Variants in LOC122539214 observed in about 807,000 individuals in gnomAD.
At chr19:52,668,135 C>T in the LOC122539214 span, among the ~76,000 whole-genome samples, 1 of 152,172 alleles carries the variant, frequency 6.6e-6, no homozygotes, top group African/African-American at 2.4e-5. Flanking sequence ...CAGGCGCCAG[C>T]TTCGGAGTTT....
the LOC122539214 span, among the ~76,000 whole-genome samples, chr19:52,683,027 C>A: frequency 3.3e-5 from 5 of 152,148 alleles, no homozygotes; most frequent in Non-Finnish European, 2.9e-5. Context: ...TGTGCCACCA[C>A]ACCCAGCTAA....
At chr19:52,663,198 A>G in the LOC122539214 span, among the ~76,000 whole-genome samples, 919 of 152,228 alleles carry the variant, frequency 6.0e-3, 4 homozygotes, top group African/African-American at 0.021. Flanking sequence ...ACCATCTGTT[A>G]TATACCTGAG....
At chr19:52,666,219 G>A in the LOC122539214 span, among the ~76,000 whole-genome samples, 13 of 151,168 alleles carry the variant, frequency 8.6e-5, no homozygotes, top group Admixed American at 6.6e-5. Flanking sequence ...GAAAGAGACA[G>A]AGAGACAAAA....
At chr19:52,654,650 G>A in the LOC122539214 span, among the ~76,000 whole-genome samples, 1 of 152,160 alleles carries the variant, frequency 6.6e-6, no homozygotes, top group African/African-American at 2.4e-5. Context: ...CTAGGAGGCA[G>A]AGATTGCAGT....
At chr19:52,654,381 C>G in the LOC122539214 span, 1 of 1,168,274 alleles carries the variant, frequency 8.6e-7, no homozygotes, top group Admixed American at 2.4e-5. Context: ...ATGAGAACTC[C>G]GTCATGGATT....
At chr19:52,657,035 G>A in the LOC122539214 span, among the ~76,000 whole-genome samples, 2 of 152,138 alleles carry the variant, frequency 1.3e-5, no homozygotes, top group African/African-American at 4.8e-5. Context: ...AGGATTGCTT[G>A]AGCCTGGAGA....
chr19:52,666,163 CAAA>C, the LOC122539214 span, among the ~76,000 whole-genome samples: 2 of 102,340 alleles, frequency 2.0e-5, no homozygotes, highest in Admixed American at 1.1e-4. Flanking sequence ...GACTCCATCT[CAAA>C]AAAAAAAAAA....
chr19:52,687,533 TTA>T, the LOC122539214 span, among the ~76,000 whole-genome samples: 64 of 36,888 alleles, frequency 1.7e-3, 25 homozygotes, highest in Non-Finnish European at 2.1e-3. Flanking sequence ...TATATATAAA[TTA>T]TATATATAAA....
chr19:52,686,309 G>A, the LOC122539214 span, among the ~76,000 whole-genome samples: 105,588 of 151,398 alleles, frequency 0.7, 38,250 homozygotes, highest in African/African-American at 0.91. Flanking sequence ...GAGGTCAACG[G>A]GAACTTAACT....
chr19:52,685,953 C>G, the LOC122539214 span, among the ~76,000 whole-genome samples: 3 of 151,478 alleles, frequency 2.0e-5, no homozygotes, highest in Admixed American at 2.0e-4. Context: ...GAACAGCATT[C>G]CATGCCAATC....
the LOC122539214 span, among the ~76,000 whole-genome samples, chr19:52,663,558 T>C: frequency 3.9e-5 from 6 of 152,224 alleles, no homozygotes; most frequent in African/African-American, 1.4e-4. Flanking sequence ...AATGGAGTAA[T>C]AGGCTACTTG....
At chr19:52,675,236 C>G in the LOC122539214 span, among the ~76,000 whole-genome samples, 2 of 152,168 alleles carry the variant, frequency 1.3e-5, no homozygotes, top group Non-Finnish European at 2.9e-5. Flanking sequence ...GGACACCAGG[C>G]CCACAGTGTT....
the LOC122539214 span, among the ~76,000 whole-genome samples, chr19:52,672,440 TTA>T: frequency 2.0e-5 from 3 of 152,088 alleles, no homozygotes; most frequent in Non-Finnish European, 4.4e-5. Flanking sequence ...ATCTAGAATA[TTA>T]GCAAGTTTAA....
chr19:52,670,264 T>A, the LOC122539214 span, among the ~76,000 whole-genome samples: 4 of 152,122 alleles, frequency 2.6e-5, no homozygotes, highest in African/African-American at 9.7e-5. Context: ...CCTCATTCCA[T>A]AACATTTTTC....
chr19:52,686,908 G>A, the LOC122539214 span, among the ~76,000 whole-genome samples: 1 of 152,130 alleles, frequency 6.6e-6, no homozygotes, highest in South Asian at 2.1e-4. Flanking sequence ...TGGGCTGGGT[G>A]CAGTGGCTCA....
At chr19:52,665,649 C>T in the LOC122539214 span, among the ~76,000 whole-genome samples, 17 of 152,248 alleles carry the variant, frequency 1.1e-4, no homozygotes, top group African/African-American at 3.4e-4. Context: ...CAACCTGACT[C>T]ATTCCATAAT....
chr19:52,687,590 AT>A, the LOC122539214 span, among the ~76,000 whole-genome samples: 3 of 37,750 alleles, frequency 7.9e-5, no homozygotes, highest in African/African-American at 8.4e-4. Context: ...ATATATATAT[AT>A]ATATAATGTA....
the LOC122539214 span, among the ~76,000 whole-genome samples, chr19:52,676,742 A>G: frequency 5.9e-4 from 83 of 140,678 alleles, no homozygotes; most frequent in African/African-American, 2.1e-3. Flanking sequence ...CTGTGTAGAA[A>G]GAAGTAGACA....
chr19:52,686,276 T>TA, the LOC122539214 span, among the ~76,000 whole-genome samples: 3 of 151,204 alleles, frequency 2.0e-5, no homozygotes, highest in Non-Finnish European at 4.4e-5. Flanking sequence ...TAAATTGTTT[T>TA]AAAAAAAAAT....
Sources: allele counts gnomAD v4.1 joint callset (sites outside exome capture counted in the v4.1 genomes callset), GRCh38; gene constraint gnomAD v4.1.1; transcripts MANE v1.5.